SMG5: variants seen among roughly 807,000 people sequenced by gnomAD.
The protein encoded by SMG5 is SMG5 nonsense mediated mRNA decay factor.
In SMG5, 53 loss-of-function variants were observed where a neutral mutation model predicts 122.9. That is an observed-to-expected ratio of 0.43 (90% CI 0.35 to 0.54). SMG5 has a LOEUF of 0.54. Ranked by LOEUF, SMG5 falls within the 20% of genes least tolerant of loss-of-function variation. The probability of loss-of-function intolerance (pLI) is 0.01; values close to 1 mark genes in which losing one functional copy is unlikely to be tolerated. For missense variants in SMG5, 1,153 were observed against 1,285.6 expected (o/e 0.90, Z 1.58); for synonymous variants, 477 against 490.2 (o/e 0.97, Z 0.35).
intron 16 of SMG5, among the ~76,000 whole-genome samples, chr1:156,256,716 T>G (rs1261676948): frequency 6.6e-6 from 1 of 152,098 alleles, no homozygotes; most frequent in Non-Finnish European, 1.5e-5. Context: ...AGGGAAAGCC[T>G]ACCTTCAGAA....
In SMG5 at chr1:156,282,621, A is replaced by C. The variant is rs1297878981; in HGVS notation, c.60T>G (p.Thr20=). The C allele has an allele frequency of 6.2e-6, 10 of 1,608,940 alleles. No individual in the cohort carries two copies. Among genetic ancestry groups the C allele is most frequent in the Admixed American group, 3.3e-5 (2 of 59,958 alleles). Residue 20 remains threonine, a synonymous_variant, in exon 1 of 22, where the codon ACT becomes ACG. Coordinates refer to ENST00000361813, the MANE Select transcript of SMG5 (RefSeq NM_015327.3). The part of the protein sequence containing the change: ...SSEPEAKVLH[T]KRLYRAVVEA... ...GCCCCTCTCACCGGTAAAGCCGCTT[A>C]GTGTGGAGGACTTTTGCTTCGGGCT...
At chr1:156,278,428 G>T (rs1662785491) in intron 2 of SMG5, among the ~76,000 whole-genome samples, 2 of 151,036 alleles carry the variant, frequency 1.3e-5, no homozygotes, top group African/African-American at 4.9e-5. Context: ...GCAGTGGCGG[G>T]ATCATAGCAC....
chr1:156,272,649 T>C (rs1662488929), intron 6 of SMG5, among the ~76,000 whole-genome samples: 1 of 151,254 alleles, frequency 6.6e-6, no homozygotes, highest in Non-Finnish European at 1.5e-5. Flanking sequence ...CTCGGCTCAC[T>C]GCAAGCTCCG....
upstream of SMG5, chr1:156,286,364 G>C: frequency 6.2e-7 from 1 of 1,614,208 alleles, no homozygotes; most frequent in Non-Finnish European, 8.5e-7. Flanking sequence ...GGCCCAGTCG[G>C]TCCAGCTCTT....
chr1:156,271,366 T>C (rs1000919072), intron 7 of SMG5, among the ~76,000 whole-genome samples: 1 of 152,234 alleles, frequency 6.6e-6, no homozygotes, highest in Non-Finnish European at 1.5e-5. Flanking sequence ...CTTCTGAGAA[T>C]GATTTTGGCT....
intron 3 of SMG5, among the ~76,000 whole-genome samples, 193 bp downstream of exon 3, chr1:156,277,732 G>A (rs556190563): frequency 1.3e-5 from 2 of 151,832 alleles, no homozygotes; most frequent in Admixed American, 6.6e-5. Context: ...GGCTGGTCTC[G>A]AACTCCCAAC....
At chr1:156,267,766 T>C (rs1490103882) in intron 9 of SMG5, 88 bp from the exon 10 acceptor site, 1 of 1,190,446 alleles carries the variant, frequency 8.4e-7, no homozygotes, top group Non-Finnish European at 1.2e-6. Flanking sequence ...GAGAAAGGAC[T>C]ATGGGATGCT....
In SMG5 at chr1:156,260,703, G is replaced by T. The variant is rs139182835; in HGVS notation, c.2108-77C>A. On this transcript the variant is annotated intron_variant, in intron 14 of 21. Coordinates refer to ENST00000361813, the MANE Select transcript of SMG5 (RefSeq NM_015327.3). Reference sequence around the variant, plus strand: ...CAGAGAGACATAACCCTTCCCTTTGGGAATTATCAGGCTGATGAGATGATG... The same window carrying T: ...CAGAGAGACATAACCCTTCCCTTTGTGAATTATCAGGCTGATGAGATGATG... 201 of 1,305,590 alleles carry T rather than the reference G, an allele frequency of 1.5e-4. 2 individuals are homozygous for T. The Middle Eastern group carries it at 1.7e-3, about 11-fold the overall frequency. 80.9% of individuals were successfully genotyped at this position (1,305,590 alleles called of 1,614,324 possible).
At position 156,249,607 on chromosome 1, in the gene SMG5, C is replaced by A. The variant is rs1184208088; in HGVS notation, c.*980G>T. 2.5e-6 allele frequency: 1 copy of A among 394,998 alleles called. No homozygotes were observed. Among genetic ancestry groups the A allele is most frequent in the Non-Finnish European group, 5.2e-6 (1 of 192,986 alleles). The allele number at this position is 394,998 out of a possible 1,614,324, so 24.5% of individuals were successfully genotyped here. On this transcript the variant is annotated 3_prime_UTR_variant, in exon 22 of 22. Transcript: ENST00000361813. ...AAGCCAGCCCCTTCAGGTCTTCAGTCCTGCGGAAGGCAAAAGGAGGGACGG... is the reference window on the plus strand; with the variant it reads ...AAGCCAGCCCCTTCAGGTCTTCAGTACTGCGGAAGGCAAAAGGAGGGACGG...
chr1:156,251,071 G>C (rs1661325649), intron 20 of SMG5, 75 bp from the exon 21 acceptor site: 1 of 1,561,418 alleles, frequency 6.4e-7, no homozygotes, highest in Non-Finnish European at 8.7e-7. Flanking sequence ...GATCTCCAGG[G>C]GACAGGGGCA....
chr1:156,273,549 C>G (rs1267593583), intron 5 of SMG5, 99 bp from the exon 6 acceptor site: 6 of 1,162,346 alleles, frequency 5.2e-6, no homozygotes, highest in Non-Finnish European at 7.5e-6. Flanking sequence ...TAACAAGAGC[C>G]TGGAAGGAAG....
At chr1:156,286,970 A>G (rs1281900487), upstream of SMG5, among the ~76,000 whole-genome samples, 1 of 152,102 alleles carries the variant, frequency 6.6e-6, no homozygotes, top group Non-Finnish European at 1.5e-5. Context: ...TAAAAATACA[A>G]AAATTAGCTG....
intron 4 of SMG5, among the ~76,000 whole-genome samples, chr1:156,275,954 A>C (rs1662664057): frequency 6.6e-6 from 1 of 151,958 alleles, no homozygotes; most frequent in Non-Finnish European, 1.5e-5. Context: ...AGCTAGGACA[A>C]CATGCACGCA....
intron 1 of SMG5, 62 bp from the exon 2 acceptor site, chr1:156,279,096 TG>T: frequency 7.3e-7 from 1 of 1,371,798 alleles, no homozygotes; most frequent in Non-Finnish European, 1.0e-6. Flanking sequence ...AGGATGACGC[TG>T]GGACACGATT....
At chr1:156,263,338 C>A in intron 13 of SMG5, 57 bp downstream of exon 13, 1 of 1,549,996 alleles carries the variant, frequency 6.5e-7, no homozygotes, top group South Asian at 1.2e-5. Flanking sequence ...CATCCTGGCT[C>A]ATCCCCTCCT....
chr1:156,250,837 C>T (rs1391471257), intron 21 of SMG5, 21 bp downstream of exon 21: 6 of 1,612,976 alleles, frequency 3.7e-6, no homozygotes, highest in East Asian at 2.2e-5. Context: ...ACACCATCCC[C>T]CCACCTCACC....
chr1:156,282,585 C>G, intron 1 of SMG5, 22 bp downstream of exon 1: 1 of 1,600,678 alleles, frequency 6.2e-7, no homozygotes. Flanking sequence ...GGTGGCTGCT[C>G]TCACGCCCTG....
chr1:156,269,111 C>A (rs761025266), intron 7 of SMG5, among the ~76,000 whole-genome samples: 1 of 152,080 alleles, frequency 6.6e-6, no homozygotes, highest in Non-Finnish European at 1.5e-5. Context: ...GCTGGGATTA[C>A]AGGTGCCTGC....
At chr1:156,270,128 T>C (rs1478303069) in intron 7 of SMG5, among the ~76,000 whole-genome samples, 1 of 152,134 alleles carries the variant, frequency 6.6e-6, no homozygotes, top group Non-Finnish European at 1.5e-5. Flanking sequence ...TTATAAAAAG[T>C]GAGGTATAAA....
Sources: gnomAD v4.1 joint callset for allele counts (sites outside exome capture counted in the v4.1 genomes callset) on GRCh38, gnomAD v4.1.1 for gene constraint, MANE v1.5 for transcripts, NCBI Gene and HGNC (gene_info 2026-07-23, HGNC 2026-07-21) for gene names.